Variants in MTRES1 observed in about 807,000 individuals in gnomAD.
MTRES1 encodes the protein mitochondrial transcription rescue factor 1.
A neutral mutation model predicts 17.4 loss-of-function variants in MTRES1; 11 were observed. The ratio of observed to expected loss-of-function variants is 0.63; its 90% CI spans 0.40 to 1.05. MTRES1 has a LOEUF of 1.05. MTRES1 is among the 50% of genes least tolerant of loss of function. The probability of loss-of-function intolerance (pLI) is 0.00; values close to 1 mark genes in which losing one functional copy is unlikely to be tolerated. For missense variants in MTRES1, 268 were observed against 276.2 expected (o/e 0.97, Z 0.21); for synonymous variants, 94 against 99.6 (o/e 0.94, Z 0.34).
At chr6:107,043,771 C>G (rs1554228047) in intron 2 of MTRES1, among the ~76,000 whole-genome samples, 1 of 151,990 alleles carries the variant, frequency 6.6e-6, no homozygotes, top group Non-Finnish European at 1.5e-5. Context: ...CCCGTGCTGG[C>G]CAAGGGTCAA....
At chr6:107,039,123 A>G (rs1554227259) in intron 1 of MTRES1, among the ~76,000 whole-genome samples, 1 of 152,128 alleles carries the variant, frequency 6.6e-6, no homozygotes, top group African/African-American at 2.4e-5. Flanking sequence ...TTTTAGGAGC[A>G]ATCAGTACCC....
chr6:107,035,774 G>A (rs1224663993), intron 1 of MTRES1, among the ~76,000 whole-genome samples: 6 of 151,984 alleles, frequency 3.9e-5, no homozygotes, highest in East Asian at 3.9e-4. Context: ...TCAGCCTCCC[G>A]AGTAGCTGAG....
intron 1 of MTRES1, chr6:107,030,240 TAG>T (rs2114935430): frequency 1.4e-6 from 1 of 697,590 alleles, no homozygotes; most frequent in African/African-American, 1.8e-5. Context: ...TAGACCATCG[TAG>T]AGACTTTGCT....
intron 1 of MTRES1, chr6:107,029,929 T>G: frequency 1.6e-6 from 1 of 629,262 alleles, no homozygotes; most frequent in South Asian, 1.9e-5. Flanking sequence ...CAATCCCCCT[T>G]ACCCTGCTCC....
At position 107,050,921 on chromosome 6, in the gene MTRES1, G is replaced by C. The variant is rs1444669307; in HGVS notation, c.544-136G>C. The C allele has an allele frequency of 8.5e-6, 6 of 707,436 alleles. No individual in the cohort carries two copies. In the Admixed American group the frequency reaches 1.5e-4, roughly 18 times the overall value. The allele number at this position is 707,436 out of a possible 1,614,324, so 43.8% of individuals were successfully genotyped here. ...CTGAGGCACTGGGATAGGTGACAGT[G>C]ACTAAGGTCAGGGCCTTTACTCACC... On this transcript the variant is annotated intron_variant, in intron 3 of 3. Coordinates refer to ENST00000311381, the MANE Select transcript of MTRES1 (RefSeq NM_016487.5).
chr6:107,031,263 C>G (rs2114937250), intron 1 of MTRES1, among the ~76,000 whole-genome samples: 1 of 151,488 alleles, frequency 6.6e-6, no homozygotes, highest in African/African-American at 2.4e-5. Context: ...GCCTGTAATC[C>G]CAGCTACTCT....
chr6:107,041,904 C>A (rs1348618339), intron 2 of MTRES1, among the ~76,000 whole-genome samples: 10 of 152,062 alleles, frequency 6.6e-5, no homozygotes, highest in African/African-American at 2.4e-4. Flanking sequence ...TTCATTTATT[C>A]CCTTAGGAAT....
chr6:107,035,598 G>T (rs1411032050), intron 1 of MTRES1, among the ~76,000 whole-genome samples: 2 of 152,114 alleles, frequency 1.3e-5, no homozygotes, highest in Non-Finnish European at 2.9e-5. Context: ...CATTGTGAAG[G>T]ATCTATGCCA....
At position 107,037,317 on chromosome 6, in the gene MTRES1, G is replaced by A. The variant is rs145521440; in HGVS notation, c.-12-2432G>A. 4.4e-3 allele frequency among the ~76,000 whole-genome samples: 664 copies of A among 152,034 alleles called. 1 individual carries two copies. The highest frequency in any genetic ancestry group is 0.015 in the African/African-American group (635 of 41,470). The stretch of plus-strand genomic sequence containing the variant: ...GCACCTGACCTCAAGTGATCTGCCC[G>A]CCTCAGCCTCCCAAAGTGTTGGGAT... On this transcript the variant is annotated intron_variant, in intron 1 of 3. Coordinates refer to ENST00000311381, the MANE Select transcript of MTRES1 (RefSeq NM_016487.5).
At chr6:107,041,095 A>G (rs150736384) in intron 2 of MTRES1, among the ~76,000 whole-genome samples, 1,945 of 148,242 alleles carry the variant, frequency 0.013, 75 homozygotes, top group African/African-American at 0.046. Flanking sequence ...GCGTGGTGGC[A>G]GGCGCCTGTA....
At chr6:107,035,295 A>G (rs1316319102) in intron 1 of MTRES1, among the ~76,000 whole-genome samples, 2 of 151,480 alleles carry the variant, frequency 1.3e-5, no homozygotes, top group Admixed American at 1.3e-4. Flanking sequence ...CACCATGCCC[A>G]GCTAATTTTG....
intron 1 of MTRES1, chr6:107,030,209 C>T: frequency 1.4e-6 from 1 of 716,938 alleles, no homozygotes; most frequent in South Asian, 1.5e-5. Context: ...GTTGAGGGAG[C>T]ACCAGATCCT....
chr6:107,038,493 A>G (rs1236571833), intron 1 of MTRES1, among the ~76,000 whole-genome samples: 2 of 152,120 alleles, frequency 1.3e-5, no homozygotes, highest in East Asian at 3.9e-4. Context: ...GCAGTTCCCT[A>G]GTTTGTGGAT....
intron 2 of MTRES1, among the ~76,000 whole-genome samples, chr6:107,043,938 C>T (rs566450702): frequency 6.9e-4 from 105 of 152,300 alleles, no homozygotes; most frequent in South Asian, 3.1e-3. Context: ...ACCAGCCTGG[C>T]CGACATAGTG....
intron 2 of MTRES1, chr6:107,040,647 GATCAC>G (rs1774169815): frequency 6.3e-6 from 1 of 159,866 alleles, no homozygotes; most frequent in Non-Finnish European, 1.4e-5. Context: ...GAGCTGGGCG[GATCAC>G]AAGGTCAGGA....
chr6:107,029,210 C>T (rs1345124746), intron 1 of MTRES1, among the ~76,000 whole-genome samples: 18 of 126,448 alleles, frequency 1.4e-4, no homozygotes, highest in Admixed American at 1.3e-3. Context: ...TTTTTTGAGA[C>T]GCAGTCTCGC....
At chr6:107,037,471 A>T (rs6926223) in intron 1 of MTRES1, among the ~76,000 whole-genome samples, 6,044 of 152,256 alleles carry the variant, frequency 0.04, 182 homozygotes, top group Middle Eastern at 0.12. Context: ...TTGGACTCCA[A>T]AGTGGTGGGA....
intron 1 of MTRES1, among the ~76,000 whole-genome samples, chr6:107,030,646 C>G (rs1375772068): frequency 6.6e-6 from 1 of 151,638 alleles, no homozygotes; most frequent in Admixed American, 6.5e-5. Flanking sequence ...CACATAGGCA[C>G]TGTCTGCCTA....
chr6:107,031,693 CG>C (rs1336558762), intron 1 of MTRES1, among the ~76,000 whole-genome samples: 3 of 151,998 alleles, frequency 2.0e-5, no homozygotes, highest in Non-Finnish European at 4.4e-5. Flanking sequence ...CTCTGCCTCC[CG>C]GGTTCAAGCG....
Sources: gnomAD v4.1 joint callset for allele counts (sites outside exome capture counted in the v4.1 genomes callset) on GRCh38, gnomAD v4.1.1 for gene constraint, MANE v1.5 for transcripts, NCBI Gene and HGNC (gene_info 2026-07-23, HGNC 2026-07-21) for gene names.